Variants in IP6K3 observed in about 807,000 individuals in gnomAD.
IP6K3 encodes ATP:1D-myo-inositol-hexakisphosphate phosphotransferase.
IP6K3 carries 20 observed loss-of-function variants against 28.8 expected under a neutral mutation model. The ratio of observed to expected loss-of-function variants is 0.70; its 90% CI spans 0.49 to 1.01. IP6K3 has a LOEUF of 1.01. Among genes scored for constraint, IP6K3 ranks in the 50% least tolerant of loss-of-function variants. The pLI, the probability that IP6K3 is intolerant of heterozygous loss-of-function variation, is 0.00. For synonymous variants in IP6K3, 213 were observed against 221.3 expected (o/e 0.96, Z 0.33); for missense variants, 480 against 537.1 (o/e 0.89, Z 1.05).
At chr6:33,758,056 G>A in the IP6K3 span, among the ~76,000 whole-genome samples, 2 of 152,224 alleles carry the variant, frequency 1.3e-5, no homozygotes, top group Non-Finnish European at 1.5e-5. Flanking sequence ...GTGGAGGCGA[G>A]TCGCAGGGCC....
intron 1 of IP6K3, among the ~76,000 whole-genome samples, chr6:33,745,722 C>T (rs1561912357): frequency 6.6e-6 from 1 of 152,132 alleles, no homozygotes; most frequent in Non-Finnish European, 1.5e-5. Context: ...GATGCAGACG[C>T]TCATGGGTAG....
At chr6:33,736,654 CCTT>C in intron 1 of IP6K3, among the ~76,000 whole-genome samples, 1 of 152,314 alleles carries the variant, frequency 6.6e-6, no homozygotes, top group East Asian at 1.9e-4. Context: ...GATCCACCCT[CCTT>C]GGCCTCCCAA....
the IP6K3 span, among the ~76,000 whole-genome samples, chr6:33,761,919 C>T: frequency 1.3e-5 from 2 of 152,064 alleles, no homozygotes; most frequent in African/African-American, 2.4e-5. Context: ...GGATGGGGCT[C>T]GACGGACCCT....
intron 2 of IP6K3, among the ~76,000 whole-genome samples, chr6:33,732,005 C>T (rs896666899): frequency 1.3e-5 from 2 of 152,158 alleles, no homozygotes; most frequent in South Asian, 2.1e-4. Context: ...TTGGTTTGGC[C>T]GAGTAGCTTC....
At chr6:33,759,655 A>C in the IP6K3 span, among the ~76,000 whole-genome samples, 1 of 152,224 alleles carries the variant, frequency 6.6e-6, no homozygotes, top group Non-Finnish European at 1.5e-5. Context: ...TGAGGTCAGG[A>C]GATCGAGACC....
At position 33,723,151 on chromosome 6, in the gene IP6K3, C is replaced by CCTG; in HGVS notation, c.801_802insCAG (p.Lys267_Asp268insGln). 1 of 1,601,178 alleles carries CCTG rather than the reference C, an allele frequency of 6.2e-7. No individual in the cohort carries two copies. The highest frequency in any genetic ancestry group is 8.5e-7 in the Non-Finnish European group (1 of 1,173,738). ...GAGAGTTTTCTTCCATAGTACTTGT[C>CCTG]TTTGCAGAGAAAGTACTTCTTATCT... On this transcript the variant is annotated inframe_insertion, in exon 6 of 6. Transcript: ENST00000293756.
intron 5 of IP6K3, 62 bp downstream of exon 5, chr6:33,725,379 T>C (rs1022099545): frequency 1.3e-6 from 2 of 1,500,180 alleles, no homozygotes; most frequent in African/African-American, 2.7e-5. Flanking sequence ...ATGGGAGATA[T>C]CCTTGCCCCA....
intron 1 of IP6K3, among the ~76,000 whole-genome samples, chr6:33,736,387 G>A (rs765415708): frequency 6.6e-6 from 1 of 151,894 alleles, no homozygotes; most frequent in Non-Finnish European, 1.5e-5. Context: ...GGGTACGGGA[G>A]TGCTTGCTTG....
chr6:33,735,646 G>A lies in IP6K3; in HGVS notation c.-170C>T. 1 of 1,429,114 alleles carries A rather than the reference G, an allele frequency of 7.0e-7. No homozygotes were observed. The highest frequency in any genetic ancestry group is 2.5e-5 in the East Asian group (1 of 39,422). The allele number at this position is 1,429,114 out of a possible 1,614,324, so 88.5% of individuals were successfully genotyped here. The stretch of plus-strand genomic sequence containing the variant: ...TTGTCCTCCTGTCTGTGGGTTCTCA[G>A]CGGGGTCCTCTGGAAAGCAGGGGAG... On this transcript the variant is annotated 5_prime_UTR_variant, in exon 2 of 6. Coordinates refer to ENST00000293756, the MANE Select transcript of IP6K3 (RefSeq NM_054111.5).
chr6:33,734,386 T>A lies in IP6K3; in HGVS notation c.199+892A>T, dbSNP rs570716063. On this transcript the variant is annotated intron_variant, in intron 2 of 5. Coordinates refer to ENST00000293756, the MANE Select transcript of IP6K3 (RefSeq NM_054111.5). ...CTTGAGAAACACCAGGCCCCATCCT[T>A]CCCAGTTATCTTAATCATTGAAATG... Among the ~76,000 whole-genome samples, 5 of 152,256 alleles carry A rather than the reference T, an allele frequency of 3.3e-5. No homozygotes were observed. In the East Asian group the frequency reaches 9.7e-4, roughly 29 times the overall value.
Position 33,738,653 on chromosome 6 carries a change from G to T in IP6K3, c.-179-2998C>A, listed in dbSNP as rs535226154. Among the ~76,000 whole-genome samples the T allele has an allele frequency of 4.6e-5, 7 of 152,318 alleles. No individual in the cohort carries two copies. The South Asian group carries it at 1.2e-3, about 27-fold the overall frequency. On this transcript the variant is annotated intron_variant, in intron 1 of 5. Coordinates refer to ENST00000293756, the MANE Select transcript of IP6K3 (RefSeq NM_054111.5). ...CCCTATCTGCACCTAGCTAGTATAG[G>T]AAGAGCAGGGATTTGAACCCAGGCA...
chr6:33,746,960 T>TG (rs1464732059), upstream of IP6K3: 1 of 152,466 alleles, frequency 6.6e-6, no homozygotes, highest in Non-Finnish European at 1.5e-5. The surrounding 1 kb of genome is among the most constrained non-coding windows in gnomAD (Gnocchi z 6.5). Context: ...CCTGACCCTC[T>TG]GGGGAAGGGC....
chr6:33,726,692 C>G, intron 4 of IP6K3, 39 bp downstream of exon 4: 1 of 1,524,038 alleles, frequency 6.6e-7, no homozygotes, highest in South Asian at 1.3e-5. Flanking sequence ...TCTGTCGCCC[C>G]GCCCTTGGGA....
chr6:33,740,012 C>T (rs976190654), intron 1 of IP6K3, among the ~76,000 whole-genome samples: 8 of 152,228 alleles, frequency 5.3e-5, no homozygotes, highest in Non-Finnish European at 1.2e-4. Flanking sequence ...TTCTCAGGAC[C>T]GACTTCCATG....
rs1643424035 is a variant in IP6K3, at chr6:33,735,549, C to G, written c.-73G>C. The G allele has an allele frequency of 1.3e-6, 2 of 1,560,874 alleles. No homozygotes were observed. The highest frequency in any genetic ancestry group is 1.7e-6 in the Non-Finnish European group (2 of 1,159,650). On this transcript the variant is annotated 5_prime_UTR_variant, in exon 2 of 6. Coordinates refer to ENST00000293756, the MANE Select transcript of IP6K3 (RefSeq NM_054111.5). The stretch of plus-strand genomic sequence containing the variant: ...AAGGTTTGAAGTAGAAAGGGCAGCT[C>G]CCAACAGCACACGGGGCTGTCAGCG...
chr6:33,734,271 A>G (rs924711633), intron 2 of IP6K3, among the ~76,000 whole-genome samples: 1 of 151,136 alleles, frequency 6.6e-6, no homozygotes, highest in African/African-American at 2.4e-5. Flanking sequence ...ATTCTGATTC[A>G]CAGGTCTGGC....
chr6:33,754,196 C>A, the IP6K3 span, among the ~76,000 whole-genome samples: 1 of 151,978 alleles, frequency 6.6e-6, no homozygotes, highest in African/African-American at 2.4e-5. Context: ...CCAGCTGGGC[C>A]GGGGGAGAGC....
At position 33,725,596 on chromosome 6, in the gene IP6K3, C is replaced by A. The variant is rs763200032; in HGVS notation, c.610G>T (p.Val204Leu). ...KRHRFLLLEN[V>L]VSQYTHPCVL... ...CAGGGATGCGTGTACTGTGACACTA[C>A]ATTTTCCAGCAACAAGAACCCTAGT... is the stretch of plus-strand genomic sequence containing the variant. Residue 204 changes from valine to leucine, a missense_variant, in exon 5 of 6, where the codon GTA (valine) becomes TTA (leucine). Val to Leu is a conservative substitution (Grantham distance 32). Coordinates refer to ENST00000293756, the MANE Select transcript of IP6K3 (RefSeq NM_054111.5). 1 of 1,614,040 alleles carries A rather than the reference C, an allele frequency of 6.2e-7. No homozygotes were observed. Among genetic ancestry groups the A allele is most frequent in the Non-Finnish European group, 8.5e-7 (1 of 1,179,896 alleles).
At chr6:33,729,673 A>G (rs765854155) in intron 2 of IP6K3, among the ~76,000 whole-genome samples, 1 of 151,220 alleles carries the variant, frequency 6.6e-6, no homozygotes, top group Non-Finnish European at 1.5e-5. Flanking sequence ...GTACCCCTGA[A>G]TCCTGCATAT....
Sources: gnomAD v4.1 joint callset for allele counts (sites outside exome capture counted in the v4.1 genomes callset) on GRCh38, gnomAD v4.1.1 for gene constraint, Gnocchi (gnomAD v3.1) non-coding constraint, MANE v1.5 for transcripts, NCBI Gene and HGNC (gene_info 2026-07-23, HGNC 2026-07-21) for gene names.